The following SLC25A13 variants were observed in gnomAD, a reference collection of about 807,000 sequenced individuals.
The protein encoded by SLC25A13 is solute carrier family 25 member 13.
In SLC25A13, 70 loss-of-function variants were observed where a neutral mutation model predicts 85.5. That is an observed-to-expected ratio of 0.82 (90% CI 0.68 to 1.00). The LOEUF (loss-of-function observed/expected upper bound fraction) is 1.00. Among genes scored for constraint, SLC25A13 ranks in the 50% least tolerant of loss-of-function variants. The probability of loss-of-function intolerance (pLI) is 0.00; values close to 1 mark genes in which losing one functional copy is unlikely to be tolerated. For synonymous variants in SLC25A13, 259 were observed against 288.7 expected (o/e 0.90, Z 1.04); for missense variants, 765 against 819.8 (o/e 0.93, Z 0.82).
intron 15 of SLC25A13, among the ~76,000 whole-genome samples, chr7:96,130,524 A>G (rs773587784): frequency 1.6e-4 from 24 of 152,232 alleles, no homozygotes; most frequent in South Asian, 8.3e-4. Flanking sequence ...GCCCAAGGTC[A>G]CACATTAATA....
At chr7:96,306,944 A>G in intron 1 of SLC25A13, 1 of 912,460 alleles carries the variant, frequency 1.1e-6, no homozygotes. Flanking sequence ...CCACACTCGC[A>G]TTTCCTCCTG....
chr7:96,294,545 G>T (rs916975725), intron 2 of SLC25A13, among the ~76,000 whole-genome samples: 7 of 150,166 alleles, frequency 4.7e-5, no homozygotes, highest in African/African-American at 1.7e-4. Flanking sequence ...GGAGACAGAG[G>T]TTGCAGTGAG....
At chr7:96,235,395 G>A (rs1796709236) in intron 3 of SLC25A13, among the ~76,000 whole-genome samples, 1 of 152,098 alleles carries the variant, frequency 6.6e-6, no homozygotes, top group Non-Finnish European at 1.5e-5. Context: ...TAGTACAAGG[G>A]GAATACAGAT....
intron 5 of SLC25A13, among the ~76,000 whole-genome samples, chr7:96,202,357 T>C (rs951846547): frequency 1.3e-5 from 2 of 152,190 alleles, no homozygotes; most frequent in Non-Finnish European, 2.9e-5. Context: ...AAAACTATGA[T>C]AAAATACTCA....
intron 14 of SLC25A13, among the ~76,000 whole-genome samples, chr7:96,142,111 G>A (rs557524363): frequency 6.6e-6 from 1 of 152,156 alleles, no homozygotes; most frequent in Non-Finnish European, 1.5e-5. Flanking sequence ...CTTAAGAAAA[G>A]TAAAATATTC....
chr7:96,248,151 T>C (rs1797276787), intron 3 of SLC25A13, among the ~76,000 whole-genome samples: 1 of 152,066 alleles, frequency 6.6e-6, no homozygotes, highest in Non-Finnish European at 1.5e-5. Context: ...CAGATGAACC[T>C]AAATTCAGCC....
intron 4 of SLC25A13, among the ~76,000 whole-genome samples, chr7:96,229,480 C>G (rs1796449554): frequency 6.6e-6 from 1 of 152,124 alleles, no homozygotes; most frequent in African/African-American, 2.4e-5. Flanking sequence ...CCCGAACCAG[C>G]AGTGGCAACC....
chr7:96,140,124 A>C (rs368040490), intron 14 of SLC25A13, among the ~76,000 whole-genome samples: 3 of 149,528 alleles, frequency 2.0e-5, no homozygotes, highest in Non-Finnish European at 4.5e-5. Flanking sequence ...ACGCCCGGCT[A>C]ATTTTTTGTA....
intron 7 of SLC25A13, 61 bp downstream of exon 7, chr7:96,191,048 C>T (rs1794826769): frequency 6.3e-7 from 1 of 1,597,228 alleles, no homozygotes; most frequent in African/African-American, 1.3e-5. Context: ...TTGCCTTCTT[C>T]ACCCTAATAA....
chr7:96,121,082 T>G lies in SLC25A13; in HGVS notation c.*109A>C. 8.0e-7 allele frequency: 1 copy of G among 1,251,658 alleles called. No individual in the cohort carries two copies. The allele number at this position is 1,251,658 out of a possible 1,614,324, so 77.5% of individuals were successfully genotyped here. The stretch of plus-strand genomic sequence containing the variant: ...ATGATAAAAAAGCCTGGACTTGAAT[T>G]TAAACAAGAGATGGACGTAAAAGGG... On this transcript the variant is annotated 3_prime_UTR_variant, in exon 18 of 18. Coordinates refer to ENST00000265631, the MANE Select transcript of SLC25A13 (RefSeq NM_014251.3).
rs1792801577 is a variant in SLC25A13, at chr7:96,146,562, G to C, written c.1446C>G (p.Ile482Met). 1 of 1,612,488 alleles carries C rather than the reference G, an allele frequency of 6.2e-7. No individual in the cohort carries two copies. ...AAAAAAAAAAAAAAGTTACCTTGTAGATCCCAAAAAACCCCAGGTCCCGCA... is the reference window on the plus strand; with the variant it reads ...AAAAAAAAAAAAAAGTTACCTTGTACATCCCAAAAAACCCCAGGTCCCGCA... ...SVVRDLGFFGIYKGAKACFLR... is the reference protein window; with the variant it reads ...SVVRDLGFFGMYKGAKACFLR... The change falls in exon 14 of 18, where the codon ATC (isoleucine) becomes ATG (methionine). Residue 482 changes from isoleucine (I) to methionine (M), a missense_variant. Transcript: ENST00000265631.
chr7:96,158,614 A>G (rs1447749819), intron 13 of SLC25A13, among the ~76,000 whole-genome samples: 1 of 152,252 alleles, frequency 6.6e-6, no homozygotes, highest in Non-Finnish European at 1.5e-5. Context: ...AGAATATCTA[A>G]TTGCACACTG....
At chr7:96,130,234 A>G (rs1243566034) in intron 15 of SLC25A13, among the ~76,000 whole-genome samples, 1 of 152,190 alleles carries the variant, frequency 6.6e-6, no homozygotes, top group African/African-American at 2.4e-5. Flanking sequence ...TGGTGTGAGG[A>G]AAGTGAGGCT....
At chr7:96,125,234 G>A (rs1180128082) in intron 15 of SLC25A13, among the ~76,000 whole-genome samples, 1 of 152,048 alleles carries the variant, frequency 6.6e-6, no homozygotes, top group Non-Finnish European at 1.5e-5. Flanking sequence ...GATTACAGGT[G>A]TGCACCAGCA....
chr7:96,223,631 T>G (rs1183579945), intron 4 of SLC25A13, among the ~76,000 whole-genome samples: 1 of 151,740 alleles, frequency 6.6e-6, no homozygotes, highest in Non-Finnish European at 1.5e-5. Flanking sequence ...TCTACTAAAA[T>G]ACAAAAATTA....
At chr7:96,209,279 T>C (rs1426672034) in intron 4 of SLC25A13, among the ~76,000 whole-genome samples, 1 of 151,698 alleles carries the variant, frequency 6.6e-6, no homozygotes, top group African/African-American at 2.4e-5. Flanking sequence ...ATCTCATTTG[T>C]TTTTGTTTCA....
intron 2 of SLC25A13, among the ~76,000 whole-genome samples, chr7:96,286,707 G>A (rs1455086141): frequency 1.3e-5 from 2 of 152,136 alleles, no homozygotes; most frequent in Non-Finnish European, 2.9e-5. Context: ...TGTATGCATT[G>A]ATACACACCC....
intron 3 of SLC25A13, among the ~76,000 whole-genome samples, chr7:96,276,319 A>G (rs1798449503): frequency 6.6e-6 from 1 of 152,202 alleles, no homozygotes; most frequent in Non-Finnish European, 1.5e-5. Context: ...AGGAAAACCC[A>G]TTTTTAAAAT....
chr7:96,140,180 G>A (rs1792470609), intron 14 of SLC25A13, among the ~76,000 whole-genome samples: 1 of 150,548 alleles, frequency 6.6e-6, no homozygotes, highest in Non-Finnish European at 1.5e-5. Flanking sequence ...GGATGGTCTC[G>A]ATCTCCTGAC....
Sources: gnomAD v4.1 joint callset for allele counts (sites outside exome capture counted in the v4.1 genomes callset) on GRCh38, gnomAD v4.1.1 for gene constraint, MANE v1.5 for transcripts, NCBI Gene and HGNC (gene_info 2026-07-23, HGNC 2026-07-21) for gene names.